The following EXT1 variants were observed in gnomAD, a reference collection of about 807,000 sequenced individuals.
EXT1 encodes exostosin-1.
Under a neutral mutation model 82.5 loss-of-function variants are expected in EXT1, and 20 were observed. That is an observed-to-expected ratio of 0.24 (90% CI 0.17 to 0.35). The LOEUF is 0.35. EXT1 is among the 10% of genes least tolerant of loss of function. The pLI, the probability that EXT1 is intolerant of heterozygous loss-of-function variation, is 1.00. For synonymous variants in EXT1, 348 were observed against 350.8 expected (o/e 0.99, Z 0.09); for missense variants, 757 against 936.5 (o/e 0.81, Z 2.50).
At chr8:117,993,422 TA>T (rs942539406) in intron 1 of EXT1, among the ~76,000 whole-genome samples, 3 of 152,148 alleles carry the variant, frequency 2.0e-5, no homozygotes, top group Non-Finnish European at 4.4e-5. Flanking sequence ...AAAAGTTAAC[TA>T]AAAATGCAAA....
chr8:117,948,839 G>C (rs930433146), intron 1 of EXT1, among the ~76,000 whole-genome samples: 4 of 152,190 alleles, frequency 2.6e-5, no homozygotes, highest in Non-Finnish European at 5.9e-5. Flanking sequence ...TTCTTATGCT[G>C]AGATATTTTT....
At chr8:117,980,694 GGTGGTTTTTTT>G (rs1397180232) in intron 1 of EXT1, among the ~76,000 whole-genome samples, 4 of 123,392 alleles carry the variant, frequency 3.2e-5, no homozygotes, top group East Asian at 2.5e-4. Context: ...TTCGGGTGTT[GGTGGTTTTTTT>G]TTTTTTTTTT....
At chr8:118,057,668 CTT>C (rs1816815628) in intron 1 of EXT1, among the ~76,000 whole-genome samples, 1 of 125,876 alleles carries the variant, frequency 7.9e-6, no homozygotes, top group Admixed American at 8.8e-5. Flanking sequence ...TGTCTGGTCT[CTT>C]TAAAAAAAAA....
chr8:117,860,520 T>C (rs1248963222), intron 1 of EXT1, among the ~76,000 whole-genome samples: 4 of 152,208 alleles, frequency 2.6e-5, no homozygotes, highest in Non-Finnish European at 5.9e-5. Flanking sequence ...TAATTGGTGA[T>C]TCAGTATGTC....
intron 1 of EXT1, among the ~76,000 whole-genome samples, chr8:117,892,573 G>A (rs1407557242): frequency 6.6e-6 from 1 of 152,184 alleles, no homozygotes; most frequent in Non-Finnish European, 1.5e-5. Flanking sequence ...AGCCACAGAG[G>A]ATTTTGAGCA....
At chr8:118,052,073 C>T (rs1816726905) in intron 1 of EXT1, among the ~76,000 whole-genome samples, 1 of 152,136 alleles carries the variant, frequency 6.6e-6, no homozygotes, top group Admixed American at 6.5e-5. Flanking sequence ...TGCCCTTTTA[C>T]GTTAAGGTCA....
chr8:117,978,692 T>C (rs1230654245), intron 1 of EXT1, among the ~76,000 whole-genome samples: 2 of 152,216 alleles, frequency 1.3e-5, no homozygotes, highest in East Asian at 3.9e-4. Flanking sequence ...CTTTTAGTTT[T>C]GACCTAATGG....
intron 1 of EXT1, among the ~76,000 whole-genome samples, chr8:118,101,917 A>G (rs979091451): frequency 6.6e-6 from 1 of 152,152 alleles, no homozygotes; most frequent in Admixed American, 6.5e-5. Context: ...AACACTCAAC[A>G]AGGTGAAACC....
chr8:117,854,296 C>T lies in EXT1; in HGVS notation c.963-17095G>A, dbSNP rs561582760. On this transcript the variant is annotated intron_variant, in intron 1 of 10. Transcript: ENST00000378204. Reference sequence around the variant, plus strand: ...GCCTCCTAGACTAATTTAGGGATTACAGGACCTACCCAGGGACCTCCGATG... The same window carrying T: ...GCCTCCTAGACTAATTTAGGGATTATAGGACCTACCCAGGGACCTCCGATG... Among the ~76,000 whole-genome samples the T allele has an allele frequency of 7.3e-5, 11 of 149,848 alleles. 1 individual carries two copies. The South Asian group carries it at 1.7e-3, about 23-fold the overall frequency.
chr8:117,973,586 T>C (rs1048333915), intron 1 of EXT1, among the ~76,000 whole-genome samples: 3 of 151,900 alleles, frequency 2.0e-5, no homozygotes, highest in Non-Finnish European at 4.4e-5. Context: ...CTGGGCAACA[T>C]AATGAGTCCC....
intron 1 of EXT1, among the ~76,000 whole-genome samples, chr8:117,937,798 G>A (rs1249943515): frequency 6.6e-6 from 1 of 152,152 alleles, no homozygotes; most frequent in African/African-American, 2.4e-5. Context: ...GTGTGTGAAT[G>A]TGTGTGTGTA....
intron 1 of EXT1, among the ~76,000 whole-genome samples, chr8:117,997,953 T>C (rs1196520603): frequency 1.3e-5 from 2 of 152,120 alleles, no homozygotes; most frequent in Non-Finnish European, 2.9e-5. Context: ...AGGATCTATC[T>C]TCTTTGAGAG....
chr8:117,806,015 T>C (rs1457687496), intron 9 of EXT1, among the ~76,000 whole-genome samples: 1 of 152,200 alleles, frequency 6.6e-6, no homozygotes, highest in Non-Finnish European at 1.5e-5. Context: ...CCCTCTAATC[T>C]TCCAGTGTTT....
At chr8:117,950,447 G>C (rs758920725) in intron 1 of EXT1, among the ~76,000 whole-genome samples, 4 of 152,150 alleles carry the variant, frequency 2.6e-5, no homozygotes, top group African/African-American at 4.8e-5. Context: ...TTTTACATCA[G>C]ATAATGCCTG....
intron 1 of EXT1, among the ~76,000 whole-genome samples, chr8:117,967,354 T>C (rs528058909): frequency 9.2e-5 from 14 of 152,330 alleles, no homozygotes; most frequent in Admixed American, 9.2e-4. Flanking sequence ...TCCAGTACCT[T>C]TATTATGTCT....
rs1325842643 is a variant in EXT1 at position 117,971,779 on chromosome 8, TC to T, written c.963-134579del. On this transcript the variant is annotated intron_variant, in intron 1 of 10. Coordinates refer to ENST00000378204, the MANE Select transcript of EXT1 (RefSeq NM_000127.3). ...TGGGTTGAACTCTTTGCAAATGGTA[TC>T]CCCTTTCTTGACATTTTTCCAAAAG... 2.6e-5 allele frequency among the ~76,000 whole-genome samples: 4 copies of T among 152,328 alleles called. No individual in the cohort carries two copies. The East Asian group carries it at 7.7e-4, about 29-fold the overall frequency.
chr8:118,088,493 T>TAAA (rs555973998), intron 1 of EXT1, among the ~76,000 whole-genome samples: 1 of 130,172 alleles, frequency 7.7e-6, no homozygotes, highest in African/African-American at 2.8e-5. Flanking sequence ...TAGTAATGCT[T>TAAA]AAAAAAAAAA....
chr8:117,968,188 C>CT (rs1277702664), intron 1 of EXT1, among the ~76,000 whole-genome samples: 3 of 152,094 alleles, frequency 2.0e-5, no homozygotes, highest in African/African-American at 7.2e-5. Flanking sequence ...TGACTGTGGC[C>CT]TCCATCTCGG....
At chr8:117,869,743 G>C (rs1812838363) in intron 1 of EXT1, among the ~76,000 whole-genome samples, 1 of 152,064 alleles carries the variant, frequency 6.6e-6, no homozygotes, top group African/African-American at 2.4e-5. Flanking sequence ...GATTCTACTT[G>C]AAAAGGAAGG....
Sources: gnomAD v4.1 joint callset for allele counts (sites outside exome capture counted in the v4.1 genomes callset) on GRCh38, gnomAD v4.1.1 for gene constraint, MANE v1.5 for transcripts, NCBI Gene and HGNC (gene_info 2026-07-23, HGNC 2026-07-21) for gene names.